Variants in ANO1 observed in about 807,000 individuals in gnomAD.
ANO1 encodes anoctamin 1.
ANO1 carries 59 observed loss-of-function variants against 124.0 expected under a neutral mutation model. The observed-to-expected ratio is 0.48, with a 90% CI of 0.39 to 0.59. ANO1 has a LOEUF of 0.59. Ranked by LOEUF, ANO1 falls within the 20% of genes least tolerant of loss-of-function variation. The pLI, the probability that ANO1 is intolerant of heterozygous loss-of-function variation, is 0.00. For missense variants in ANO1, 1,059 were observed against 1,328.0 expected (o/e 0.80, Z 3.15); for synonymous variants, 529 against 532.0 (o/e 0.99, Z 0.08).
Position 70,087,909 on chromosome 11 carries a change from C to T in ANO1, c.266C>T (p.Pro89Leu), listed in dbSNP as rs764383765. ...LVRRVQHSDT[P>L]SGARSVKQDH... ...AGGAGGGTGCAGCACAGCGACACCC[C>T]CTCTGGGGCTCGCAGCGTCAAGCAG... Residue 89 changes from proline to leucine, a missense_variant, in exon 2 of 26, where the codon CCC becomes CTC. Around this residue, in one of 2 missense-constraint regions of ANO1, gnomAD observed 250 missense variants for 233.1 expected, o/e 1.07. Transcript: ENST00000355303. The T allele has an allele frequency of 9.9e-6, 16 of 1,610,332 alleles. No individual in the cohort carries two copies. Among genetic ancestry groups the T allele is most frequent in the Admixed American group, 1.7e-5 (1 of 59,668 alleles).
rs775245455 is a variant in ANO1, at chr11:70,105,797, C to T, written c.747+9C>T. On this transcript the variant is annotated intron_variant, in intron 5 of 25. Coordinates refer to ENST00000355303, the MANE Select transcript of ANO1 (RefSeq NM_018043.7). ...AAACCCGGAGCACGATTGTAAGTAT[C>T]GCACGCGCCTGGAAACGGCTCACTG... 1.9e-5 allele frequency: 30 copies of T among 1,612,554 alleles called. No individual in the cohort carries two copies. The highest frequency in any genetic ancestry group is 3.3e-4 in the Middle Eastern group (2 of 5,978).
chr11:70,041,197 T>C (rs1478724527), intron 1 of ANO1, among the ~76,000 whole-genome samples: 1 of 152,150 alleles, frequency 6.6e-6, no homozygotes, highest in African/African-American at 2.4e-5. Flanking sequence ...CACATTTCAA[T>C]TTATCTGCAA....
At chr11:70,038,490 G>A (rs1857129647) in intron 1 of ANO1, among the ~76,000 whole-genome samples, 1 of 152,146 alleles carries the variant, frequency 6.6e-6, no homozygotes. Context: ...CACCCTTTCT[G>A]CAGAAAGTAA....
chr11:70,019,449 C>T (rs1240104854), intron 1 of ANO1, among the ~76,000 whole-genome samples: 1 of 152,136 alleles, frequency 6.6e-6, no homozygotes, highest in Admixed American at 6.5e-5. Flanking sequence ...GAGGGTGCCG[C>T]AGGAAATGGT....
At chr11:70,098,844 A>T (rs1294595900) in intron 2 of ANO1, among the ~76,000 whole-genome samples, 1 of 152,156 alleles carries the variant, frequency 6.6e-6, no homozygotes, top group Non-Finnish European at 1.5e-5. Flanking sequence ...CCCACTGTGT[A>T]TCCACCATGG....
chr11:70,162,163 G>C (rs1011987538), intron 18 of ANO1, among the ~76,000 whole-genome samples: 2 of 149,640 alleles, frequency 1.3e-5, no homozygotes, highest in Admixed American at 1.3e-4. Context: ...GGACCCGGGA[G>C]TGAGGGCCTT....
At position 69,986,693 on chromosome 11, in the gene ANO1, C is replaced by A. The variant is rs550227437; in HGVS notation, c.58+527C>A. 2.6e-5 allele frequency among the ~76,000 whole-genome samples: 4 copies of A among 152,222 alleles called. No homozygotes were observed. The East Asian group carries it at 7.7e-4, about 29-fold the overall frequency. ...GAGCCGGAGACAAATGAGGCCTGGA[C>A]GCTAGGCCGGAGGGGGAGTCCCTGA... On this transcript the variant is annotated intron_variant, in intron 1 of 27. Coordinates refer to the ANO1 transcript ENST00000531349.
In ANO1 at chr11:69,988,164, C is replaced by T. The variant is rs562321945; in HGVS notation, c.58+1998C>T. 7.9e-5 allele frequency among the ~76,000 whole-genome samples: 12 copies of T among 152,306 alleles called. 1 individual carries two copies. Among genetic ancestry groups the T allele is most frequent in the African/African-American group, 2.9e-4 (12 of 41,554 alleles). ...GTCCATGTCATTTACACCTGGAGGC[C>T]GTCAGTGGCTTCGCCCGTAAATAGG... On this transcript the variant is annotated intron_variant, in intron 1 of 27. Coordinates refer to the ANO1 transcript ENST00000531349.
At chr11:70,138,694 G>A (rs919643999) in intron 11 of ANO1, among the ~76,000 whole-genome samples, 14 of 152,054 alleles carry the variant, frequency 9.2e-5, no homozygotes, top group Admixed American at 2.0e-4. Flanking sequence ...ACACCCGCTC[G>A]TAAGCAGGGC....
intron 8 of ANO1, among the ~76,000 whole-genome samples, chr11:70,123,500 G>T (rs972302049): frequency 3.3e-5 from 5 of 152,196 alleles, no homozygotes; most frequent in Non-Finnish European, 7.3e-5. Context: ...GGCTCCAAGG[G>T]GTTCCCTCGT....
chr11:70,052,405 C>G (rs1857361622), intron 1 of ANO1, among the ~76,000 whole-genome samples: 1 of 152,040 alleles, frequency 6.6e-6, no homozygotes, highest in South Asian at 2.1e-4. Context: ...ACATAAATTT[C>G]CATATCAGCT....
intron 1 of ANO1, among the ~76,000 whole-genome samples, chr11:70,057,264 C>G (rs1857458785): frequency 6.6e-6 from 1 of 152,120 alleles, no homozygotes; most frequent in African/African-American, 2.4e-5. Flanking sequence ...GGATTCTTGT[C>G]TTTTTGGCAG....
chr11:70,006,255 T>A (rs1280651983), intron 1 of ANO1, among the ~76,000 whole-genome samples: 4 of 152,180 alleles, frequency 2.6e-5, no homozygotes, highest in African/African-American at 4.8e-5. Context: ...ATGCTAAAAC[T>A]TTCTTCCACC....
chr11:70,165,357 C>A, intron 19 of ANO1, 113 bp from the exon 20 acceptor site: 1 of 862,512 alleles, frequency 1.2e-6, no homozygotes, highest in Non-Finnish European at 1.8e-6. Context: ...ACCTGAGCGT[C>A]TTTTTTTGGA....
chr11:70,043,157 ATT>A (rs1555005242), intron 1 of ANO1, among the ~76,000 whole-genome samples: 1 of 152,236 alleles, frequency 6.6e-6, no homozygotes, highest in African/African-American at 2.4e-5. Context: ...AATGAAAGCT[ATT>A]TTTGAAAAAA....
intron 19 of ANO1, 85 bp from the exon 20 acceptor site, chr11:70,165,385 C>T: frequency 1.7e-6 from 2 of 1,163,494 alleles, no homozygotes; most frequent in Middle Eastern, 2.5e-4. Flanking sequence ...GGTCAACCCA[C>T]AGCATGAGGG....
chr11:70,155,038 C>G (rs1049460528), intron 14 of ANO1, among the ~76,000 whole-genome samples: 13 of 152,228 alleles, frequency 8.5e-5, no homozygotes, highest in African/African-American at 3.1e-4. Context: ...ATCCCGGCCC[C>G]CAAGCCTGGG....
intron 14 of ANO1, among the ~76,000 whole-genome samples, chr11:70,154,460 CTTTTTTTTTTTTT>C (rs35077245): frequency 5.6e-4 from 47 of 84,258 alleles, no homozygotes; most frequent in Middle Eastern, 8.8e-3. Context: ...GGAAGTATGT[CTTTTTTTTTTTTT>C]TTTTTTTTTT....
At chr11:70,045,126 AAACTG>A (rs576254189) in intron 1 of ANO1, among the ~76,000 whole-genome samples, 62 of 152,358 alleles carry the variant, frequency 4.1e-4, no homozygotes, top group African/African-American at 1.3e-3. Flanking sequence ...AAGGTAGAAC[AAACTG>A]ATAAAGAAAA....
Sources: allele counts gnomAD v4.1 joint callset (sites outside exome capture counted in the v4.1 genomes callset), GRCh38; gene constraint gnomAD v4.1.1; regional missense constraint gnomAD v4.1.1; transcripts MANE v1.5; gene names NCBI Gene and HGNC (gene_info 2026-07-23, HGNC 2026-07-21).